Variants in RPS6KA2 observed in about 807,000 individuals in gnomAD.
RPS6KA2 encodes the protein ribosomal protein S6 kinase A2, also known as ribosomal protein S6 kinase alpha-2.
Under a neutral mutation model 91.8 loss-of-function variants are expected in RPS6KA2, and 42 were observed. That is an observed-to-expected ratio of 0.46 (90% confidence interval 0.36 to 0.59). The LOEUF (loss-of-function observed/expected upper bound fraction) is 0.59, where lower values mean the gene tolerates loss of function less well. Ranked by LOEUF, RPS6KA2 falls within the 20% of genes least tolerant of loss-of-function variation. The probability of loss-of-function intolerance (pLI) is 0.00; values close to 1 mark genes in which losing one functional copy is unlikely to be tolerated. For missense variants in RPS6KA2, 798 were observed against 978.5 expected (o/e 0.82, Z 2.46); for synonymous variants, 414 against 393.6 (o/e 1.05, Z -0.61).
intron 2 of RPS6KA2, among the ~76,000 whole-genome samples, chr6:166,836,942 G>A (rs1175766278): frequency 1.3e-5 from 2 of 152,138 alleles, no homozygotes; most frequent in Non-Finnish European, 2.9e-5. Context: ...AGTGTGCCCC[G>A]TCTTCAGTCC....
chr6:166,627,339 A>ACCT, upstream of RPS6KA2: 1 of 523,492 alleles, frequency 1.9e-6, no homozygotes, highest in Non-Finnish European at 2.4e-6. Flanking sequence ...CGGCACGCAC[A>ACCT]CCTCCTCCTC....
chr6:166,517,450 G>GTTTTTTTTTT (rs1562550709), intron 3 of RPS6KA2, among the ~76,000 whole-genome samples: 1 of 83,800 alleles, frequency 1.2e-5, no homozygotes, highest in African/African-American at 6.7e-5. Context: ...GCGTTCTTTT[G>GTTTTTTTTTT]TTTTGTTTTT....
intron 1 of RPS6KA2, among the ~76,000 whole-genome samples, chr6:166,580,792 C>T (rs79570101): frequency 0.021 from 3,250 of 152,096 alleles, 117 homozygotes; most frequent in South Asian, 0.11. Flanking sequence ...GATTTTCATG[C>T]GTAGGGGGCG....
chr6:166,572,198 G>A lies in RPS6KA2; in HGVS notation c.100-33414C>T, dbSNP rs185610824. Reference sequence around the variant, plus strand: ...AGATATTAAATATGTGTATCTGAGTGGTGGGATTGATTAGGGATTCTAATT... The same window carrying A: ...AGATATTAAATATGTGTATCTGAGTAGTGGGATTGATTAGGGATTCTAATT... On this transcript the variant is annotated intron_variant, in intron 1 of 20. Coordinates refer to ENST00000265678, the MANE Select transcript of RPS6KA2 (RefSeq NM_021135.6). Among the ~76,000 whole-genome samples, 449 of 152,238 alleles carry A rather than the reference G, an allele frequency of 2.9e-3. 3 individuals are homozygous for A. Among genetic ancestry groups the A allele is most frequent in the African/African-American group, 0.01 (430 of 41,514 alleles).
Position 166,862,446 on chromosome 6 carries a change from C to T in RPS6KA2, c.-276G>A, listed in dbSNP as rs1583188570. The T allele has an allele frequency of 4.1e-6, 5 of 1,213,724 alleles. No individual in the cohort carries two copies. The South Asian group carries it at 8.7e-5, about 21-fold the overall frequency. 75.2% of individuals were successfully genotyped at this position (1,213,724 alleles called of 1,614,324 possible). ...AGCCAGGGCTCTGGGGAGCTGCTGC[C>T]GCTTCCCGCTCGGGCTGGGGCGAGG... On this transcript the variant is annotated 5_prime_UTR_variant, in exon 1 of 22. Coordinates refer to the RPS6KA2 transcript ENST00000503859.
chr6:166,714,975 T>C (rs1789971019), intron 2 of RPS6KA2, among the ~76,000 whole-genome samples: 1 of 152,226 alleles, frequency 6.6e-6, no homozygotes, highest in South Asian at 2.1e-4. Flanking sequence ...TCCCTTCCCG[T>C]CCGGCCTGTG....
intron 7 of RPS6KA2, among the ~76,000 whole-genome samples, chr6:166,499,868 AAT>A: frequency 2.0e-5 from 3 of 152,134 alleles, no homozygotes; most frequent in African/African-American, 7.2e-5. Flanking sequence ...AGAACAGACT[AAT>A]ACAGGGACTT....
intron 2 of RPS6KA2, among the ~76,000 whole-genome samples, chr6:166,779,064 A>G (rs1414459293): frequency 6.6e-6 from 1 of 152,234 alleles, no homozygotes. Flanking sequence ...ACTCTGGCGC[A>G]CACTGATGGG....
intron 3 of RPS6KA2, among the ~76,000 whole-genome samples, chr6:166,514,207 C>T (rs1782563353): frequency 1.3e-5 from 2 of 152,186 alleles, no homozygotes; most frequent in African/African-American, 4.8e-5. Flanking sequence ...TTCTCCTGGC[C>T]CACTCCTTTC....
chr6:166,607,140 CAAAAA>C (rs35281961), intron 1 of RPS6KA2, among the ~76,000 whole-genome samples: 1 of 97,856 alleles, frequency 1.0e-5, no homozygotes. Context: ...AAAACTCCGT[CAAAAA>C]AAAAAAAAAA....
chr6:166,689,316 G>A (rs1016226134), intron 2 of RPS6KA2, among the ~76,000 whole-genome samples: 5 of 152,250 alleles, frequency 3.3e-5, no homozygotes, highest in African/African-American at 1.2e-4. Flanking sequence ...GATGAAGGTA[G>A]CATCCCAAGG....
chr6:166,736,356 A>G (rs1203387863), intron 2 of RPS6KA2, among the ~76,000 whole-genome samples: 2 of 152,224 alleles, frequency 1.3e-5, no homozygotes, highest in Non-Finnish European at 2.9e-5. Context: ...CAGCAGGGGC[A>G]CACCGTAACT....
intron 2 of RPS6KA2, among the ~76,000 whole-genome samples, chr6:166,843,686 A>G (rs923048044): frequency 4.6e-5 from 7 of 152,208 alleles, no homozygotes; most frequent in Non-Finnish European, 1.0e-4. Context: ...ACTACAGTTC[A>G]GCTCTCAGGA....
intron 2 of RPS6KA2, among the ~76,000 whole-genome samples, chr6:166,659,159 G>A (rs1403344320): frequency 7.4e-6 from 1 of 135,666 alleles, no homozygotes; most frequent in Non-Finnish European, 1.6e-5. Context: ...TAATGAGCAT[G>A]AAGAAAATGA....
chr6:166,647,855 T>C (rs562085024), intron 2 of RPS6KA2, among the ~76,000 whole-genome samples: 2,089 of 65,588 alleles, frequency 0.032, 77 homozygotes, highest in African/African-American at 0.11. Flanking sequence ...CACACGCACA[T>C]GCTCATACAC....
At chr6:166,600,297 G>T (rs1785688310) in intron 1 of RPS6KA2, among the ~76,000 whole-genome samples, 1 of 152,220 alleles carries the variant, frequency 6.6e-6, no homozygotes, top group Admixed American at 6.5e-5. Context: ...GAGCCATCAT[G>T]CCTGGCCAAG....
In RPS6KA2 at chr6:166,494,956, G is replaced by A. The variant is rs151017382; in HGVS notation, c.747+3552C>T. Among the ~76,000 whole-genome samples, 7 of 152,342 alleles carry A rather than the reference G, an allele frequency of 4.6e-5. No homozygotes were observed. In the East Asian group the frequency reaches 1.2e-3, roughly 25 times the overall value. On this transcript the variant is annotated intron_variant, in intron 8 of 20. Transcript: ENST00000265678. The surrounding 1 kb of genome is among the most constrained non-coding windows in gnomAD (Gnocchi z 5.1). The stretch of plus-strand genomic sequence containing the variant: ...TAAGATACGACTTCAAAGGTCACCC[G>A]AGGCCCATCTCTTAGCTGCAAATGA...
chr6:166,541,755 C>T (rs925142422), intron 1 of RPS6KA2, among the ~76,000 whole-genome samples: 6 of 152,154 alleles, frequency 3.9e-5, no homozygotes, highest in East Asian at 1.9e-4. Context: ...TCAAAGCCTT[C>T]GACGCAGATA....
intron 7 of RPS6KA2, among the ~76,000 whole-genome samples, chr6:166,499,274 C>G (rs10946173): frequency 0.53 from 81,081 of 152,118 alleles, 23,904 homozygotes; most frequent in African/African-American, 0.79. Context: ...CTCAGGGCCC[C>G]CAAGTCTTGG....
Sources: gnomAD v4.1 joint callset for allele counts (sites outside exome capture counted in the v4.1 genomes callset) on GRCh38, gnomAD v4.1.1 for gene constraint, Gnocchi (gnomAD v3.1) non-coding constraint, MANE v1.5 for transcripts, NCBI Gene and HGNC (gene_info 2026-07-23, HGNC 2026-07-21) for gene names.